The following CATSPERB variants were observed in gnomAD, a reference collection of about 807,000 sequenced individuals.
The protein encoded by CATSPERB is cation channel sperm-associated auxiliary subunit beta.
A neutral mutation model predicts 128.3 loss-of-function variants in CATSPERB; 93 were observed. The ratio of observed to expected loss-of-function variants is 0.72; its 90% CI spans 0.61 to 0.86. CATSPERB has a LOEUF of 0.86. CATSPERB is among the 40% of genes least tolerant of loss of function. CATSPERB has a pLI of 0.00. For missense variants in CATSPERB, 1,153 were observed against 1,329.5 expected, an observed-to-expected ratio of 0.87 and a Z score of 2.06; for synonymous variants, 381 against 448.8, an observed-to-expected ratio of 0.85 and a Z score of 1.91.
At chr14:91,711,797 G>A (rs1473001903) in intron 5 of CATSPERB, among the ~76,000 whole-genome samples, 2 of 152,176 alleles carry the variant, frequency 1.3e-5, no homozygotes, top group East Asian at 3.9e-4. Context: ...GTTATGTCAA[G>A]AGTACATGGG....
chr14:91,729,368 AGGAAAT>A (rs1566743130), intron 2 of CATSPERB, 27 bp downstream of exon 2: 1 of 993,364 alleles, frequency 1.0e-6, no homozygotes, highest in African/African-American at 1.7e-5. Flanking sequence ...ACTCCTGAGA[AGGAAAT>A]AGAGAGTAAG....
At chr14:91,719,591 C>G (rs372273250) in intron 4 of CATSPERB, 113 bp from the exon 5 acceptor site, 8 of 672,128 alleles carry the variant, frequency 1.2e-5, no homozygotes, top group African/African-American at 1.9e-5. Context: ...ATGCATATAC[C>G]TTTTACCTAG....
chr14:91,598,670 A>AGT (rs1893553004), intron 22 of CATSPERB, among the ~76,000 whole-genome samples: 1 of 152,056 alleles, frequency 6.6e-6, no homozygotes, highest in South Asian at 2.1e-4. Flanking sequence ...CATCCTGGCT[A>AGT]ACATGGTGAA....
intron 15 of CATSPERB, among the ~76,000 whole-genome samples, chr14:91,647,371 A>C (rs1195552573): frequency 6.6e-6 from 1 of 152,174 alleles, no homozygotes; most frequent in East Asian, 1.9e-4. Context: ...ACTCTTCATT[A>C]GTCCACCAAA....
chr14:91,658,446 C>A (rs1165386467), intron 15 of CATSPERB, among the ~76,000 whole-genome samples: 9 of 151,116 alleles, frequency 6.0e-5, no homozygotes, highest in Non-Finnish European at 8.9e-5. Flanking sequence ...ACAAAAATAT[C>A]ATTACATAGA....
chr14:91,684,117 T>C (rs1895333783), intron 10 of CATSPERB, among the ~76,000 whole-genome samples, 174 bp from the exon 11 acceptor site: 1 of 152,198 alleles, frequency 6.6e-6, no homozygotes, highest in African/African-American at 2.4e-5. Flanking sequence ...AACAGGAATA[T>C]ACATTTTGAA....
At chr14:91,698,293 G>T (rs1201932236) in intron 7 of CATSPERB, among the ~76,000 whole-genome samples, 1 of 152,156 alleles carries the variant, frequency 6.6e-6, no homozygotes, top group African/African-American at 2.4e-5. Flanking sequence ...GTCTTCAGGG[G>T]TTTCTAGGTA....
chr14:91,702,835 T>C (rs1026803494), intron 7 of CATSPERB, among the ~76,000 whole-genome samples: 1 of 152,050 alleles, frequency 6.6e-6, no homozygotes, highest in African/African-American at 2.4e-5. Context: ...CTTATAAACA[T>C]GAAATCTCTT....
At chr14:91,726,507 C>T (rs1896122838) in intron 2 of CATSPERB, among the ~76,000 whole-genome samples, 1 of 152,198 alleles carries the variant, frequency 6.6e-6, no homozygotes, top group Non-Finnish European at 1.5e-5. Flanking sequence ...TGAATGCTTC[C>T]TGTGGTCCAG....
At chr14:91,695,658 T>C (rs1053173917) in intron 7 of CATSPERB, among the ~76,000 whole-genome samples, 1 of 152,214 alleles carries the variant, frequency 6.6e-6, no homozygotes, top group South Asian at 2.1e-4. Flanking sequence ...TTTTATTCTA[T>C]TGGCAAAGGG....
chr14:91,704,970 G>C (rs552600416), intron 6 of CATSPERB, among the ~76,000 whole-genome samples: 31 of 152,272 alleles, frequency 2.0e-4, no homozygotes, highest in African/African-American at 7.5e-4. Flanking sequence ...GGCCACATTT[G>C]AAAAATACCA....
intron 14 of CATSPERB, among the ~76,000 whole-genome samples, chr14:91,662,753 A>G (rs1894908085): frequency 1.3e-5 from 2 of 152,224 alleles, no homozygotes; most frequent in East Asian, 3.8e-4. Flanking sequence ...GCTGAAAATG[A>G]TATCGTCGTT....
At chr14:91,722,436 G>A (rs1896051329) in intron 4 of CATSPERB, among the ~76,000 whole-genome samples, 1 of 152,276 alleles carries the variant, frequency 6.6e-6, no homozygotes, top group South Asian at 2.1e-4. Flanking sequence ...TACATAAAAT[G>A]TTCAGAGTTA....
rs1234929621 is a variant in CATSPERB, at chr14:91,603,923, T to C, written c.2709+4371A>G. Among the ~76,000 whole-genome samples the C allele has an allele frequency of 3.3e-5, 5 of 151,704 alleles. 1 individual carries two copies. Among genetic ancestry groups the C allele is most frequent in the Admixed American group, 3.3e-4 (5 of 15,240 alleles). On this transcript the variant is annotated intron_variant, in intron 22 of 26. Transcript: ENST00000256343. The stretch of plus-strand genomic sequence containing the variant: ...TTGGTGGGGACACAGATCCAAACCA[T>C]ATCACCTTGTCTGGAGAAATGTCTA...
At chr14:91,728,382 T>C (rs2139785190) in intron 2 of CATSPERB, among the ~76,000 whole-genome samples, 1 of 152,328 alleles carries the variant, frequency 6.6e-6, no homozygotes, top group South Asian at 2.1e-4. Flanking sequence ...CCCAAAGTGC[T>C]GGGATTACAG....
chr14:91,670,590 A>G (rs932423473), intron 13 of CATSPERB, among the ~76,000 whole-genome samples: 1 of 152,058 alleles, frequency 6.6e-6, no homozygotes, highest in Non-Finnish European at 1.5e-5. Flanking sequence ...GCTGGGGCAG[A>G]GGATCGCTTG....
chr14:91,673,711 T>C (rs934447117), intron 12 of CATSPERB, among the ~76,000 whole-genome samples: 1 of 152,070 alleles, frequency 6.6e-6, no homozygotes, highest in Non-Finnish European at 1.5e-5. Context: ...GGTGAAACCC[T>C]GTCTCTACTA....
intron 11 of CATSPERB, among the ~76,000 whole-genome samples, chr14:91,676,952 G>A (rs557397734): frequency 2.0e-5 from 3 of 152,282 alleles, no homozygotes; most frequent in Admixed American, 6.5e-5. Context: ...CGAAAAACCT[G>A]AGAAAAACAA....
intron 12 of CATSPERB, among the ~76,000 whole-genome samples, chr14:91,673,930 G>A (rs916011375): frequency 1.3e-5 from 2 of 151,878 alleles, no homozygotes; most frequent in Non-Finnish European, 2.9e-5. Context: ...TGAGGGATAT[G>A]AGCCCAGAAA....
Sources: gnomAD v4.1 joint callset for allele counts (sites outside exome capture counted in the v4.1 genomes callset) on GRCh38, gnomAD v4.1.1 for gene constraint, MANE v1.5 for transcripts, NCBI Gene and HGNC (gene_info 2026-07-23, HGNC 2026-07-21) for gene names.